The following CXADR variants were observed in gnomAD, a reference collection of about 807,000 sequenced individuals.
CXADR encodes coxsackievirus and adenovirus receptor.
In CXADR, 20 loss-of-function variants were observed where a neutral mutation model predicts 40.3. The observed-to-expected ratio is 0.50, with a 90% CI of 0.35 to 0.72. The LOEUF is 0.72. Ranked by LOEUF, CXADR falls within the 30% of genes least tolerant of loss-of-function variation. The pLI is 0.01. For missense variants in CXADR, 332 were observed against 449.1 expected, an observed-to-expected ratio of 0.74 and a Z score of 2.36; for synonymous variants, 150 against 161.3, an observed-to-expected ratio of 0.93 and a Z score of 0.53.
intron 1 of CXADR, among the ~76,000 whole-genome samples, chr21:17,533,577 A>G (rs1407712121): frequency 6.6e-6 from 1 of 152,168 alleles, no homozygotes; most frequent in Non-Finnish European, 1.5e-5. Flanking sequence ...TCATTGCAAA[A>G]CACGGATGCA....
At chr21:17,521,450 G>A (rs2060529206) in intron 1 of CXADR, among the ~76,000 whole-genome samples, 2 of 152,136 alleles carry the variant, frequency 1.3e-5, no homozygotes, top group Admixed American at 1.3e-4. Context: ...AGCGTCCCGA[G>A]TAGCTGGGAA....
chr21:17,596,738 T>TA (rs1182794191), downstream of CXADR, among the ~76,000 whole-genome samples: 1 of 152,100 alleles, frequency 6.6e-6, no homozygotes, highest in African/African-American at 2.4e-5. Context: ...CCTCCTTTTT[T>TA]AAAATTTTGA....
chr21:17,562,221 G>A (rs2739393), intron 6 of CXADR, among the ~76,000 whole-genome samples: 96,704 of 152,120 alleles, frequency 0.64, 31,172 homozygotes, highest in East Asian at 0.77. Flanking sequence ...TCTGCTGGTG[G>A]AAGGTCATGC....
chr21:17,590,518 A>C (rs1401832205), intron 7 of CXADR, among the ~76,000 whole-genome samples: 1 of 152,010 alleles, frequency 6.6e-6, no homozygotes, highest in Non-Finnish European at 1.5e-5. Flanking sequence ...TTAAAGAGGA[A>C]TTGCATGAGC....
chr21:17,604,284 T>C, the CXADR span: 1 of 261,252 alleles, frequency 3.8e-6, no homozygotes. Context: ...CTACTACAAA[T>C]ATAAAAAAAA....
chr21:17,556,741 T>A (rs2824355), intron 3 of CXADR, among the ~76,000 whole-genome samples: 26,366 of 152,142 alleles, frequency 0.17, 2,485 homozygotes, highest in East Asian at 0.23. Flanking sequence ...TTTGGAAAAA[T>A]CAACAGTGCA....
chr21:17,549,232 A>G (rs2060935843), intron 2 of CXADR, among the ~76,000 whole-genome samples: 1 of 152,214 alleles, frequency 6.6e-6, no homozygotes, highest in Non-Finnish European at 1.5e-5. Flanking sequence ...TTTCATGCCC[A>G]GAGTAACAAG....
In CXADR at chr21:17,568,160, G is replaced by A. The variant is rs1396090490; in HGVS notation, c.*2468G>A. 13 of 951,146 alleles carry A rather than the reference G, an allele frequency of 1.4e-5. No individual in the cohort carries two copies. The highest frequency in any genetic ancestry group is 1.8e-4 in the Admixed American group (2 of 11,068). The allele number at this position is 951,146 out of a possible 1,614,324, so 58.9% of individuals were successfully genotyped here. A position where few individuals can be genotyped will look rare whatever the true frequency, so the allele number is the denominator to read the frequency against. ...TTTTTTTTTTTTAAGACGGAGTCTC[G>A]GTCTGTCACCCAGGCTGGAGTGCAG... On this transcript the variant is annotated 3_prime_UTR_variant, in exon 7 of 7. Transcript: ENST00000284878.
intron 6 of CXADR, among the ~76,000 whole-genome samples, chr21:17,564,738 T>A (rs960743141): frequency 6.6e-6 from 1 of 152,162 alleles, no homozygotes; most frequent in Admixed American, 6.5e-5. Context: ...ATTTATTATT[T>A]ATTTCTCTTT....
intron 1 of CXADR, among the ~76,000 whole-genome samples, chr21:17,537,021 G>T (rs150808483): frequency 6.6e-6 from 1 of 152,286 alleles, no homozygotes; most frequent in African/African-American, 2.4e-5. Context: ...GCCTCCCAAA[G>T]TGCTGGGATT....
In CXADR at chr21:17,567,621, A is replaced by G. The variant is rs2246193; in HGVS notation, c.*1929A>G. 580,995 of 980,916 alleles carry G rather than the reference A, an allele frequency of 0.59. 179,748 individuals carry two copies. Among genetic ancestry groups the G allele is most frequent in the Non-Finnish European group, 0.63 (519,138 of 825,982 alleles). The allele number at this position is 980,916 out of a possible 1,614,324, so 60.8% of individuals were successfully genotyped here. ...TATTCATAAAGGTTTAGAAATTTCAATATTCCCAACACTCTATGTTTCTGA... is the reference window on the plus strand; with the variant it reads ...TATTCATAAAGGTTTAGAAATTTCAGTATTCCCAACACTCTATGTTTCTGA... On this transcript the variant is annotated 3_prime_UTR_variant, in exon 7 of 7. Transcript: ENST00000284878.
Position 17,567,493 on chromosome 21 carries a change from A to G in CXADR, c.*1801A>G, listed in dbSNP as rs529505964. On this transcript the variant is annotated 3_prime_UTR_variant, in exon 7 of 7. Transcript: ENST00000284878. ...CTACCTGAAAGGTGCTTAGAGGTGA[A>G]GGTACTGTTTCTAAAAACACATCAC... The G allele has an allele frequency of 3.5e-5, 34 of 985,422 alleles. No individual in the cohort carries two copies. The South Asian group carries it at 1.5e-3, about 44-fold the overall frequency. 61.0% of individuals were successfully genotyped at this position (985,422 alleles called of 1,614,324 possible).
chr21:17,612,059 T>G, the CXADR span: 1 of 152,372 alleles, frequency 6.6e-6, no homozygotes, highest in South Asian at 2.1e-4. Flanking sequence ...AACCTGCTGC[T>G]AGGCTCTCCC....
intron 6 of CXADR, 146 bp from the exon 7 acceptor site, chr21:17,565,282 G>GACAC (rs6147430): frequency 1.8e-4 from 145 of 805,178 alleles, no homozygotes; most frequent in African/African-American, 1.1e-3. Flanking sequence ...GCTTTTTTGT[G>GACAC]ACACACACAC....
At chr21:17,609,660 C>T in the CXADR span, among the ~76,000 whole-genome samples, 13 of 152,226 alleles carry the variant, frequency 8.5e-5, no homozygotes, top group Non-Finnish European at 5.9e-5. Flanking sequence ...GCCAATTCTA[C>T]TTCTATTTGC....
chr21:17,547,245 A>G (rs1473797327), intron 2 of CXADR, 52 bp downstream of exon 2: 9 of 1,608,940 alleles, frequency 5.6e-6, no homozygotes, highest in Non-Finnish European at 7.6e-6. Flanking sequence ...CAACTATCTG[A>G]TGTGTCCATC....
the CXADR span, among the ~76,000 whole-genome samples, chr21:17,624,631 G>A: frequency 2.0e-5 from 3 of 152,146 alleles, no homozygotes; most frequent in African/African-American, 7.2e-5. Context: ...GATAATCTAG[G>A]ATAATCTCTT....
chr21:17,526,580 G>A (rs1212785543), intron 1 of CXADR, among the ~76,000 whole-genome samples: 1 of 152,142 alleles, frequency 6.6e-6, no homozygotes, highest in East Asian at 1.9e-4. Context: ...AATGGTTGCT[G>A]GGGAAATTTG....
At chr21:17,540,868 G>A (rs375672676) in intron 1 of CXADR, among the ~76,000 whole-genome samples, 8 of 152,038 alleles carry the variant, frequency 5.3e-5, no homozygotes, top group Middle Eastern at 3.4e-3. Flanking sequence ...TTTAACCACC[G>A]TCAATTTTAT....
Sources: gnomAD v4.1 joint callset for allele counts (sites outside exome capture counted in the v4.1 genomes callset) on GRCh38, gnomAD v4.1.1 for gene constraint, MANE v1.5 for transcripts, NCBI Gene and HGNC (gene_info 2026-07-23, HGNC 2026-07-21) for gene names.